Variants in POLR1A observed in about 807,000 individuals in gnomAD.
POLR1A encodes DNA-directed RNA polymerase I subunit RPA1.
In POLR1A, 84 loss-of-function variants were observed where a neutral mutation model predicts 205.3. The ratio of observed to expected loss-of-function variants is 0.41; its 90% CI spans 0.34 to 0.49. The LOEUF is 0.49. POLR1A is among the 20% of genes least tolerant of loss of function. The pLI is 0.22. For missense variants in POLR1A, 1,645 were observed against 2,204.5 expected, an observed-to-expected ratio of 0.75 and a Z score of 5.08; for synonymous variants, 799 against 863.7, an observed-to-expected ratio of 0.93 and a Z score of 1.31.
intron 27 of POLR1A, among the ~76,000 whole-genome samples, chr2:86,037,843 T>C (rs1195071756): frequency 6.6e-6 from 1 of 152,226 alleles, no homozygotes; most frequent in African/African-American, 2.4e-5. Flanking sequence ...TCTTTCTTTT[T>C]AAATCAAAAG....
Position 86,043,089 on chromosome 2 carries a change from T to C in POLR1A, c.3242A>G (p.Asn1081Ser), listed in dbSNP as rs778353349. The C allele has an allele frequency of 8.1e-6, 13 of 1,614,148 alleles. No individual in the cohort carries two copies. The highest frequency in any genetic ancestry group is 1.1e-5 in the Non-Finnish European group (13 of 1,179,994). Residue 1081 changes from asparagine to serine, a missense_variant, in exon 23 of 34, where the codon AAC becomes AGC. By Grantham distance (46) the Asn-to-Ser change is conservative (BLOSUM62 1). This residue lies in a region of POLR1A where 201 missense variants were observed against 222.3 expected (regional missense o/e 0.90). Coordinates refer to ENST00000263857, the MANE Select transcript of POLR1A (RefSeq NM_015425.6). ...AIKKWQSKHP[N>S]TLLRRGAFLS... is the part of the protein sequence containing the mutation. ...GAAGGCGCCTCTTCTCAGCAGGGTG[T>C]TGGGGTGCTTGCTTTGCCATTTTTT...
At chr2:86,069,306 G>T (rs1212627446) in intron 13 of POLR1A, among the ~76,000 whole-genome samples, 2 of 152,236 alleles carry the variant, frequency 1.3e-5, no homozygotes, top group African/African-American at 4.8e-5. Flanking sequence ...TGGGTGGGTG[G>T]TGAGGGTGAA....
chr2:86,045,034 CT>C (rs1672686032), intron 21 of POLR1A, among the ~76,000 whole-genome samples: 1 of 152,184 alleles, frequency 6.6e-6, no homozygotes, highest in African/African-American at 2.4e-5. Flanking sequence ...ACAGCCATAG[CT>C]TCCCCCAGGG....
At chr2:86,034,934 G>A (rs775610120) in intron 27 of POLR1A, among the ~76,000 whole-genome samples, 1 of 151,996 alleles carries the variant, frequency 6.6e-6, no homozygotes, top group East Asian at 1.9e-4. Context: ...GCAGTGGTGC[G>A]ACCTCGGCTC....
chr2:86,043,856 T>C (rs1573807775), intron 22 of POLR1A, among the ~76,000 whole-genome samples: 1 of 152,184 alleles, frequency 6.6e-6, no homozygotes, highest in Non-Finnish European at 1.5e-5. Flanking sequence ...ATAGTATTGA[T>C]AGTGTGCTTT....
chr2:86,052,753 T>C, intron 16 of POLR1A, 64 bp downstream of exon 16: 2 of 1,329,682 alleles, frequency 1.5e-6, no homozygotes, highest in Non-Finnish European at 2.0e-6. Context: ...GTCCTGGGCC[T>C]GGGAGATGGC....
chr2:86,065,720 G>A lies in POLR1A; in HGVS notation c.1867-255C>T, dbSNP rs189321770. On this transcript the variant is annotated intron_variant, in intron 13 of 33. Coordinates refer to ENST00000263857, the MANE Select transcript of POLR1A (RefSeq NM_015425.6). ...ATCAAGACTGCTTCAAACTCATCCCGTTCCCCCGGCCTTCTCTGTTTAATC... is the reference window on the plus strand; with the variant it reads ...ATCAAGACTGCTTCAAACTCATCCCATTCCCCCGGCCTTCTCTGTTTAATC... 2.9e-4 allele frequency: 124 copies of A among 423,944 alleles called. No homozygotes were observed. The Admixed American group carries it at 4.0e-3, about 14-fold the overall frequency. 26.3% of individuals were successfully genotyped at this position (423,944 alleles called of 1,614,324 possible).
intron 14 of POLR1A, among the ~76,000 whole-genome samples, chr2:86,058,398 C>CTTT (rs11350157): frequency 2.5e-5 from 3 of 120,088 alleles, no homozygotes; most frequent in Admixed American, 8.4e-5. Flanking sequence ...CTCACCCAGC[C>CTTT]TTTTTTTTTT....
chr2:86,102,565 G>A (rs1480935783), intron 1 of POLR1A, among the ~76,000 whole-genome samples: 1 of 152,170 alleles, frequency 6.6e-6, no homozygotes, highest in East Asian at 1.9e-4. Context: ...CCCATTCCAT[G>A]GGTTGCCCTT....
At chr2:86,074,459 A>G (rs541450843) in intron 12 of POLR1A, among the ~76,000 whole-genome samples, 1 of 152,284 alleles carries the variant, frequency 6.6e-6, no homozygotes, top group East Asian at 1.9e-4. Flanking sequence ...CTATTATGTG[A>G]CAGAGCCACA....
At chr2:86,032,440 T>A (rs917424443) in intron 28 of POLR1A, 58 bp from the exon 29 acceptor site, 2 of 1,209,618 alleles carry the variant, frequency 1.7e-6, no homozygotes, top group Admixed American at 1.7e-5. Context: ...GCTCAGTGAA[T>A]CCATCCATCC....
intron 6 of POLR1A, among the ~76,000 whole-genome samples, chr2:86,088,141 T>A (rs1019096834): frequency 6.6e-6 from 1 of 152,012 alleles, no homozygotes; most frequent in Admixed American, 6.6e-5. Context: ...CAGCCAGGAG[T>A]AGCCTGCAGG....
In POLR1A at chr2:86,068,388, G is replaced by GGGGGGC. The variant is rs1553436040; in HGVS notation, c.1866+1629_1866+1630insGCCCCC. On this transcript the variant is annotated intron_variant, in intron 13 of 33. Transcript: ENST00000263857. ...ACACGCACAGCCAAGCACATGGGCG[G>GGGGGGC]GGGGGGGGGGCGGGTGTCGTCCAAA... Among the ~76,000 whole-genome samples the GGGGGGC allele has an allele frequency of 4.3e-5, 5 of 117,064 alleles. 1 individual carries two copies. The highest frequency in any genetic ancestry group is 3.4e-4 in the East Asian group (1 of 2,908). The allele number at this position is 117,064 out of a possible 152,430, so 76.8% of individuals were successfully genotyped here.
At chr2:86,098,987 T>C (rs1360528990) in intron 2 of POLR1A, among the ~76,000 whole-genome samples, 1 of 152,158 alleles carries the variant, frequency 6.6e-6, no homozygotes, top group African/African-American at 2.4e-5. Context: ...GAAATTTACT[T>C]TGGGCGTACA....
intron 18 of POLR1A, among the ~76,000 whole-genome samples, chr2:86,048,069 G>A (rs940593499): frequency 6.6e-6 from 1 of 152,210 alleles, no homozygotes; most frequent in African/African-American, 2.4e-5. Flanking sequence ...CTGTCCCCAT[G>A]AGAAGTCGGT....
intron 9 of POLR1A, 22 bp downstream of exon 9, chr2:86,080,794 T>A: frequency 3.1e-6 from 5 of 1,590,298 alleles, no homozygotes; most frequent in Non-Finnish European, 4.3e-6. Flanking sequence ...GCTCATCACA[T>A]CAGCAACAGA....
intron 14 of POLR1A, among the ~76,000 whole-genome samples, chr2:86,063,545 C>T (rs754366199): frequency 6.6e-6 from 1 of 152,058 alleles, no homozygotes; most frequent in Non-Finnish European, 1.5e-5. Flanking sequence ...CAAAACCAAA[C>T]AAACATATTA....
Position 86,077,615 on chromosome 2 carries a change from G to A in POLR1A, c.1380+244C>T, listed in dbSNP as rs114767578. Reference sequence around the variant, plus strand: ...CCCTGGTGCTGACTTGTTGGTAGGAGGTGTCTGTAAGCCTAGCAAGGAGTG... The same window carrying A: ...CCCTGGTGCTGACTTGTTGGTAGGAAGTGTCTGTAAGCCTAGCAAGGAGTG... On this transcript the variant is annotated intron_variant, in intron 11 of 33. Coordinates refer to ENST00000263857, the MANE Select transcript of POLR1A (RefSeq NM_015425.6). 4.8e-3 allele frequency among the ~76,000 whole-genome samples: 733 copies of A among 152,264 alleles called. 9 individuals are homozygous for A. The highest frequency in any genetic ancestry group is 0.017 in the African/African-American group (710 of 41,534).
At chr2:86,105,650 G>C in intron 1 of POLR1A, 50 bp downstream of exon 1, 1 of 1,297,708 alleles carries the variant, frequency 7.7e-7, no homozygotes, top group Middle Eastern at 1.8e-4. Context: ...GTAGTTTAGG[G>C]CGCCGACCTC....
Sources: allele counts gnomAD v4.1 joint callset (sites outside exome capture counted in the v4.1 genomes callset), GRCh38; gene constraint gnomAD v4.1.1; regional missense constraint gnomAD v4.1.1; transcripts MANE v1.5; gene names NCBI Gene and HGNC (gene_info 2026-07-23, HGNC 2026-07-21).